The following CCSER1 variants were observed in gnomAD, a reference collection of about 807,000 sequenced individuals.
CCSER1 encodes serine-rich coiled-coil domain-containing protein 1.
A neutral mutation model predicts 82.0 loss-of-function variants in CCSER1; 41 were observed. That is an observed-to-expected ratio of 0.50 (90% CI 0.39 to 0.65). The LOEUF is 0.65. Ranked by LOEUF, CCSER1 falls within the 30% of genes least tolerant of loss-of-function variation. CCSER1 has a pLI of 0.00. For missense variants in CCSER1, 1,119 were observed against 1,064.2 expected, an observed-to-expected ratio of 1.05 and a Z score of -0.72; for synonymous variants, 414 against 383.9, an observed-to-expected ratio of 1.08 and a Z score of -0.92.
intron 8 of CCSER1, among the ~76,000 whole-genome samples, chr4:90,872,822 C>T (rs558797371): frequency 3.3e-5 from 5 of 152,056 alleles, no homozygotes; most frequent in African/African-American, 1.2e-4. Flanking sequence ...AAAAATCCCT[C>T]AAATTTTGTT....
At chr4:90,566,049 T>C (rs1331195903) in intron 5 of CCSER1, among the ~76,000 whole-genome samples, 2 of 150,510 alleles carry the variant, frequency 1.3e-5, no homozygotes, top group East Asian at 1.9e-4. Flanking sequence ...TTTTTTTTTT[T>C]AGTGGACCAT....
At chr4:90,334,614 A>G (rs902131120) in intron 3 of CCSER1, among the ~76,000 whole-genome samples, 4 of 151,988 alleles carry the variant, frequency 2.6e-5, no homozygotes, top group Non-Finnish European at 4.4e-5. Context: ...TCAATTATGC[A>G]TTGTTTTATG....
chr4:90,731,456 A>T lies in CCSER1; in HGVS notation c.2010+7465A>T, dbSNP rs147214342. 4.5e-3 allele frequency among the ~76,000 whole-genome samples: 692 copies of T among 152,348 alleles called. 7 individuals are homozygous for T. Among genetic ancestry groups the T allele is most frequent in the African/African-American group, 0.016 (660 of 41,590 alleles). On this transcript the variant is annotated intron_variant, in intron 7 of 10. Coordinates refer to ENST00000509176, the MANE Select transcript of CCSER1 (RefSeq NM_001145065.2). Reference sequence around the variant, plus strand: ...TTATCTGCCAGATAACTGAAAGCACATAGGTAAAACTAAACATAATTTGTG... The same window carrying T: ...TTATCTGCCAGATAACTGAAAGCACTTAGGTAAAACTAAACATAATTTGTG...
At chr4:90,834,609 A>T (rs923633469) in intron 8 of CCSER1, among the ~76,000 whole-genome samples, 1 of 152,204 alleles carries the variant, frequency 6.6e-6, no homozygotes, top group African/African-American at 2.4e-5. Flanking sequence ...ATAGTATCAA[A>T]TATTAGATCT....
chr4:91,038,073 C>T (rs1289674243), intron 9 of CCSER1, among the ~76,000 whole-genome samples: 2 of 151,870 alleles, frequency 1.3e-5, no homozygotes, highest in Non-Finnish European at 2.9e-5. Flanking sequence ...ATAGAGATAA[C>T]GTCAATTGAA....
In CCSER1 at chr4:90,131,144, C is replaced by T. The variant is rs532768982; in HGVS notation, c.-42+3313C>T. ...CCCTGAGTAGCTGGGATTACAGGCA[C>T]GCGCCACCACACCCAGCTAATTTTT... On this transcript the variant is annotated intron_variant, in intron 1 of 10. Coordinates refer to ENST00000509176, the MANE Select transcript of CCSER1 (RefSeq NM_001145065.2). 7.2e-5 allele frequency among the ~76,000 whole-genome samples: 11 copies of T among 152,116 alleles called. No individual in the cohort carries two copies. The East Asian group carries it at 1.9e-3, about 27-fold the overall frequency.
intron 4 of CCSER1, among the ~76,000 whole-genome samples, chr4:90,411,334 G>T (rs1025077745): frequency 1.3e-5 from 2 of 152,002 alleles, no homozygotes; most frequent in Non-Finnish European, 2.9e-5. Context: ...AAGAGAATTT[G>T]AGACCAATAT....
chr4:90,826,398 TTGAC>T (rs949188598), intron 8 of CCSER1, among the ~76,000 whole-genome samples: 2 of 152,174 alleles, frequency 1.3e-5, no homozygotes, highest in Non-Finnish European at 2.9e-5. Flanking sequence ...GCCGGGGACT[TTGAC>T]TGGAGCAAGT....
intron 5 of CCSER1, among the ~76,000 whole-genome samples, chr4:90,588,045 C>A (rs146935418): frequency 6.6e-6 from 1 of 152,210 alleles, no homozygotes; most frequent in African/African-American, 2.4e-5. Context: ...TTAAATATAC[C>A]TTATTGCTTA....
intron 7 of CCSER1, among the ~76,000 whole-genome samples, chr4:90,726,829 G>T (rs948738286): frequency 2.0e-5 from 3 of 152,074 alleles, no homozygotes; most frequent in Non-Finnish European, 2.9e-5. Context: ...TGGAAACTTT[G>T]TGGATCTCGT....
chr4:90,816,291 A>G (rs1445463612), intron 8 of CCSER1, among the ~76,000 whole-genome samples: 2 of 152,300 alleles, frequency 1.3e-5, no homozygotes, highest in South Asian at 2.1e-4. Context: ...ACCTAATGAG[A>G]CTTCTTGTTA....
chr4:90,635,058 T>C (rs944357268), intron 6 of CCSER1, among the ~76,000 whole-genome samples: 1 of 151,626 alleles, frequency 6.6e-6, no homozygotes, highest in Non-Finnish European at 1.5e-5. Context: ...GTTTCACCAA[T>C]ACACAATGCA....
chr4:91,016,868 T>G (rs1046303289), intron 9 of CCSER1, among the ~76,000 whole-genome samples: 1 of 152,128 alleles, frequency 6.6e-6, no homozygotes, highest in Non-Finnish European at 1.5e-5. Context: ...GATTTTTATT[T>G]AAAGTGTGAG....
At chr4:90,196,690 A>ACACACACACAC (rs1736695004) in intron 1 of CCSER1, among the ~76,000 whole-genome samples, 3 of 62,022 alleles carry the variant, frequency 4.8e-5, no homozygotes, top group Admixed American at 1.4e-4. Context: ...CACACACACA[A>ACACACACACAC]TCTTAGCTCA....
intron 10 of CCSER1, among the ~76,000 whole-genome samples, chr4:91,197,860 CT>C (rs1010148493): frequency 6.6e-6 from 1 of 151,920 alleles, no homozygotes; most frequent in Non-Finnish European, 1.5e-5. Flanking sequence ...TTTCTCCTAG[CT>C]TGTAAAATTA....
chr4:90,695,735 G>T (rs1296340738), intron 6 of CCSER1, among the ~76,000 whole-genome samples: 1 of 151,910 alleles, frequency 6.6e-6, no homozygotes, highest in East Asian at 1.9e-4. Context: ...TTCATTTACT[G>T]ATATTATTAA....
chr4:90,232,827 A>C (rs1333447878), intron 1 of CCSER1, among the ~76,000 whole-genome samples: 5 of 151,714 alleles, frequency 3.3e-5, no homozygotes, highest in Non-Finnish European at 7.4e-5. Flanking sequence ...ATGAACAGAC[A>C]CTTCTCAAAA....
intron 9 of CCSER1, among the ~76,000 whole-genome samples, chr4:91,067,542 A>T (rs1221434009): frequency 1.3e-5 from 2 of 151,720 alleles, no homozygotes; most frequent in Non-Finnish European, 2.9e-5. Context: ...GCTGAGTCTC[A>T]CTATGTTGTC....
At chr4:90,556,713 G>A (rs1778183670) in intron 5 of CCSER1, among the ~76,000 whole-genome samples, 1 of 151,676 alleles carries the variant, frequency 6.6e-6, no homozygotes, top group South Asian at 2.1e-4. Context: ...TCATCATAAA[G>A]GTTTTCTTGT....
Sources: gnomAD v4.1 joint callset for allele counts (sites outside exome capture counted in the v4.1 genomes callset) on GRCh38, gnomAD v4.1.1 for gene constraint, MANE v1.5 for transcripts, NCBI Gene and HGNC (gene_info 2026-07-23, HGNC 2026-07-21) for gene names.